Variants in TNRC18 observed in about 807,000 individuals in gnomAD.
TNRC18 encodes trinucleotide repeat containing 18.
A neutral mutation model predicts 226.7 loss-of-function variants in TNRC18; 69 were observed. That is an observed-to-expected ratio of 0.30 (90% confidence interval 0.25 to 0.37). The LOEUF (loss-of-function observed/expected upper bound fraction) is 0.37, where lower values mean the gene tolerates loss of function less well. TNRC18 is among the 10% of genes least tolerant of loss of function. The pLI is 1.00. For synonymous variants in TNRC18, 2,449 were observed against 1,927.6 expected (o/e 1.27, Z -7.09); for missense variants, 4,754 against 4,256.6 (o/e 1.12, Z -3.25).
chr7:5,388,600 C>A lies in TNRC18; in HGVS notation c.1224G>T (p.Gly408=). 1 of 1,295,640 alleles carries A rather than the reference C, an allele frequency of 7.7e-7. No homozygotes were observed. The highest frequency in any genetic ancestry group is 9.8e-7 in the Non-Finnish European group (1 of 1,021,922). The allele number at this position is 1,295,640 out of a possible 1,614,324, so 80.3% of individuals were successfully genotyped here. ...RAREREAGRP[G]VLQAPPGSPR... The stretch of plus-strand genomic sequence containing the variant: ...GGGAGCCGGGGGGCGCCTGCAGGAC[C>A]CCTGGCCTGCCAGCCTCGCGCTCGC... The change falls in exon 5 of 30, where the codon GGG becomes GGT. Residue 408 remains glycine, a synonymous_variant. Coordinates refer to ENST00000430969, the MANE Select transcript of TNRC18 (RefSeq NM_001080495.3).
At chr7:5,383,308 C>A (rs1330043159) in intron 5 of TNRC18, among the ~76,000 whole-genome samples, 1 of 152,182 alleles carries the variant, frequency 6.6e-6, no homozygotes, top group Non-Finnish European at 1.5e-5. Context: ...AGGTCCAAGG[C>A]CCCCTGAGGC....
chr7:5,331,717 C>T (rs1219445541), intron 19 of TNRC18, among the ~76,000 whole-genome samples: 1 of 152,110 alleles, frequency 6.6e-6, no homozygotes. Context: ...TGAGACCAGC[C>T]TGGGCAATGC....
Position 5,324,436 on chromosome 7 carries a change from G to A in TNRC18, c.6301-81C>T. ...GGTTGGGGACCCTCTCTGGAAACCT[G>A]GAGCCACAGTCAGGCCGCAGGGGGA... On this transcript the variant is annotated intron_variant, in intron 20 of 29. Transcript: ENST00000430969. The surrounding 1 kb of genome is among the most constrained non-coding windows in gnomAD (Gnocchi z 4.8). The A allele has an allele frequency of 6.4e-7, 1 of 1,554,766 alleles. No individual in the cohort carries two copies. The highest frequency in any genetic ancestry group is 1.4e-5 in the African/African-American group (1 of 74,016).
At chr7:5,385,816 A>G (rs1224780900) in intron 5 of TNRC18, among the ~76,000 whole-genome samples, 1 of 148,960 alleles carries the variant, frequency 6.7e-6, no homozygotes, top group East Asian at 2.0e-4. Context: ...TCTACTAAAG[A>G]AAAACAAATA....
In TNRC18 at chr7:5,309,149, G is replaced by T. The variant is rs1015254538; in HGVS notation, c.8608C>A (p.Gln2870Lys). The T allele has an allele frequency of 1.9e-6, 3 of 1,610,196 alleles. No individual in the cohort carries two copies. The African/African-American group carries it at 4.0e-5, about 22-fold the overall frequency. ...YHPEETSPGK[Q>K]FHQGQHWDQK... is the part of the protein sequence containing the mutation. ...AGGCTCACCTGGCCCTGGTGGAACT[G>T]CTTGCCCGGGCTGGTCTCCTCGGGG... The change falls in exon 28 of 30, where the codon CAG becomes AAG. Residue 2870 changes from glutamine to lysine, a missense_variant. Coordinates refer to ENST00000430969, the MANE Select transcript of TNRC18 (RefSeq NM_001080495.3). This position sits in a 1 kb window ranked among gnomAD's most constrained non-coding sequence, Gnocchi z 5.7.
rs1217656997 is a variant in TNRC18 at position 5,390,498 on chromosome 7, C to G, written c.474G>C (p.Gln158His). The G allele has an allele frequency of 5.6e-6, 9 of 1,613,636 alleles. No homozygotes were observed. Among genetic ancestry groups the G allele is most frequent in the Admixed American group, 1.7e-5 (1 of 59,986 alleles). ...QPSIFDTQKG[Q>H]GPGGDGFYLP... Reference sequence around the variant, plus strand: ...CTCCAGTCTTACCTCCTCCTGGCCCCTGACCTTTCTGGGTATCGAAAATGC... The same window carrying G: ...CTCCAGTCTTACCTCCTCCTGGCCCGTGACCTTTCTGGGTATCGAAAATGC... The change falls in exon 4 of 30, where the codon CAG becomes CAC. Residue 158 changes from glutamine (Q) to histidine (H), a missense_variant. Transcript: ENST00000430969.
Position 5,322,253 on chromosome 7 carries a change from G to C in TNRC18, c.6443-1063C>G, listed in dbSNP as rs569479371. ...AGATCACGCCACTGCACTCCAGCCC[G>C]GGTGACAGAGAGTCAGATTCCGTCT... is the stretch of plus-strand genomic sequence containing the variant. On this transcript the variant is annotated intron_variant, in intron 21 of 29. Transcript: ENST00000430969. Among the ~76,000 whole-genome samples the C allele has an allele frequency of 2.0e-5, 3 of 150,702 alleles. No homozygotes were observed. The East Asian group carries it at 6.1e-4, about 31-fold the overall frequency.
At chr7:5,416,584 G>A (rs1173566770) in intron 2 of TNRC18, among the ~76,000 whole-genome samples, 1 of 151,550 alleles carries the variant, frequency 6.6e-6, no homozygotes, top group East Asian at 1.9e-4. Flanking sequence ...GGCCAGGCAT[G>A]GTGGCTCATG....
intron 18 of TNRC18, among the ~76,000 whole-genome samples, chr7:5,343,183 G>A (rs1318396632): frequency 6.6e-6 from 1 of 152,048 alleles, no homozygotes; most frequent in Non-Finnish European, 1.5e-5. Context: ...GGGAAACCCT[G>A]TCTCTATTAA....
rs956908266 is a variant in TNRC18 at position 5,418,240 on chromosome 7, G to A, written c.187+2820C>T. Among the ~76,000 whole-genome samples, 46 of 152,278 alleles carry A rather than the reference G, an allele frequency of 3.0e-4. 1 individual carries two copies. The highest frequency in any genetic ancestry group is 1.1e-3 in the African/African-American group (45 of 41,556). ...GTTACATGCCCATCTCCCAGATCAG[G>A]CTGTGAATATTTTGTTCACAATGTA... On this transcript the variant is annotated intron_variant, in intron 2 of 29. Transcript: ENST00000430969.
At chr7:5,420,633 G>T in intron 2 of TNRC18, 1 of 461,442 alleles carries the variant, frequency 2.2e-6, no homozygotes, top group South Asian at 1.5e-5. Context: ...ACAGAACCCA[G>T]GAGGGCCCAC....
At chr7:5,316,175 C>G in intron 24 of TNRC18, 103 bp from the exon 25 acceptor site, 1 of 777,888 alleles carries the variant, frequency 1.3e-6, no homozygotes, top group Non-Finnish European at 2.1e-6. Context: ...CAGCCCTGGT[C>G]TCTATGGTAC....
In TNRC18 at chr7:5,325,140, T is replaced by G; in HGVS notation, c.6256A>C (p.Lys2086Gln). The change falls in exon 20 of 30, where the codon AAA (lysine) becomes CAA (glutamine). Residue 2086 changes from lysine (K) to glutamine (Q), a missense_variant. Coordinates refer to ENST00000430969, the MANE Select transcript of TNRC18 (RefSeq NM_001080495.3). Reference sequence around the variant, plus strand: ...CCTTTGGCCTTGGCTTTGCTCCTTTTGGCAGCGGTCAGGGAGCTGGCGTGA... The same window carrying G: ...CCTTTGGCCTTGGCTTTGCTCCTTTGGGCAGCGGTCAGGGAGCTGGCGTGA... ...APHASSLTAAKRSKAKAKGKE... is the reference protein window; with the variant it reads ...APHASSLTAAQRSKAKAKGKE... 1 of 1,551,158 alleles carries G rather than the reference T, an allele frequency of 6.4e-7. No homozygotes were observed. The highest frequency in any genetic ancestry group is 1.4e-5 in the African/African-American group (1 of 73,192).
Position 5,388,129 on chromosome 7 carries a change from G to A in TNRC18, c.1695C>T (p.Cys565=), listed in dbSNP as rs374739594. 360 of 1,555,866 alleles carry A rather than the reference G, an allele frequency of 2.3e-4. 3 individuals carry two copies. Among genetic ancestry groups the A allele is most frequent in the African/African-American group, 4.1e-5 (3 of 73,380 alleles). The change falls in exon 5 of 30, where the codon TGC becomes TGT. Residue 565 remains cysteine, a synonymous_variant. Coordinates refer to ENST00000430969, the MANE Select transcript of TNRC18 (RefSeq NM_001080495.3). ...AGTGCATGTCAGCGACCGGCCGGCCGCAGGTGGCCGCCGAGCGGGGCAGCA... is the reference window on the plus strand; with the variant it reads ...AGTGCATGTCAGCGACCGGCCGGCCACAGGTGGCCGCCGAGCGGGGCAGCA... The part of the protein sequence containing the change: ...GAVLPRSAAT[C]GRPVADMHSA...
chr7:5,339,541 ATGTGTGTGTGTG>A (rs71536907), intron 18 of TNRC18, among the ~76,000 whole-genome samples: 6 of 137,054 alleles, frequency 4.4e-5, no homozygotes, highest in Admixed American at 1.5e-4. Context: ...TGCCCAGCCA[ATGTGTGTGTGTG>A]TGTGTGTGTG....
rs773306578 is a variant in TNRC18, at chr7:5,313,695, G to A, written c.7196C>T (p.Ala2399Val). 57 of 1,600,636 alleles carry A rather than the reference G, an allele frequency of 3.6e-5. No individual in the cohort carries two copies. The highest frequency in any genetic ancestry group is 2.2e-4 in the Middle Eastern group (1 of 4,452). Residue 2399 changes from alanine to valine, a missense_variant, in exon 27 of 30, where the codon GCA becomes GTA. Ala to Val is a moderately conservative substitution (Grantham distance 64, BLOSUM62 0). Transcript: ENST00000430969. ...ARPAPPQPSP[A>V]PPAFTSCPAP... The stretch of plus-strand genomic sequence containing the variant: ...TGGGCAGCTGGTGAAGGCGGGTGGT[G>A]CGGGACTGGGCTGCGGCGGTGCCGG...
rs760076881 is a variant in TNRC18 at position 5,361,600 on chromosome 7, C to A, written c.4655G>T (p.Ser1552Ile). 1.8e-5 allele frequency: 27 copies of A among 1,528,878 alleles called. 1 individual carries two copies. In the South Asian group the frequency reaches 2.6e-4, roughly 15 times the overall value. The allele number at this position is 1,528,878 out of a possible 1,614,324, so 94.7% of individuals were successfully genotyped here. ...PRKRGKSGHS[S>I]GKLSSKSLLT... Reference sequence around the variant, plus strand: ...ACCGAGGGGCCAGCCTTACTTTCCGCTACTGTGGCCGCTCTTCCCTCTCTT... The same window carrying A: ...ACCGAGGGGCCAGCCTTACTTTCCGATACTGTGGCCGCTCTTCCCTCTCTT... The change falls in exon 14 of 30, where the codon AGC becomes ATC. Residue 1552 changes from serine (S) to isoleucine (I), a missense_variant. Ser to Ile is a moderately radical substitution (Grantham distance 142). Coordinates refer to ENST00000430969, the MANE Select transcript of TNRC18 (RefSeq NM_001080495.3).
rs1174772550 is a variant in TNRC18, at chr7:5,392,271, G to T, written c.344-1643C>A. Among the ~76,000 whole-genome samples the T allele has an allele frequency of 2.0e-5, 3 of 152,040 alleles. No individual in the cohort carries two copies. The East Asian group carries it at 5.8e-4, about 29-fold the overall frequency. On this transcript the variant is annotated intron_variant, in intron 3 of 29. Transcript: ENST00000430969. ...GAGGTCAGGAGTTCGAGACCAGCCT[G>T]ATCAACATGGGGAAACCCCATCTCT...
At chr7:5,405,841 A>T (rs1781429113) in intron 2 of TNRC18, among the ~76,000 whole-genome samples, 1 of 152,210 alleles carries the variant, frequency 6.6e-6, no homozygotes, top group Non-Finnish European at 1.5e-5. Flanking sequence ...AGGCAGGAGG[A>T]TCACTTGAGC....
Sources: allele counts gnomAD v4.1 joint callset (sites outside exome capture counted in the v4.1 genomes callset), GRCh38; gene constraint gnomAD v4.1.1; non-coding constraint Gnocchi (gnomAD v3.1); transcripts MANE v1.5; gene names NCBI Gene and HGNC (gene_info 2026-07-23, HGNC 2026-07-21).